ZFYVE27: variants seen among roughly 807,000 people sequenced by gnomAD.
ZFYVE27 encodes the protein protrudin.
ZFYVE27 carries 36 observed loss-of-function variants against 52.8 expected under a neutral mutation model. The ratio of observed to expected loss-of-function variants is 0.68; its 90% CI spans 0.52 to 0.90. The LOEUF is 0.90. Ranked by LOEUF, ZFYVE27 falls within the 40% of genes least tolerant of loss-of-function variation. The pLI, the probability that ZFYVE27 is intolerant of heterozygous loss-of-function variation, is 0.00. For missense variants in ZFYVE27, 450 were observed against 527.2 expected (o/e 0.85, Z 1.43); for synonymous variants, 223 against 215.6 (o/e 1.03, Z -0.30).
At chr10:97,757,769 G>T (rs1371937096) in intron 12 of ZFYVE27, 46 bp downstream of exon 12, 1 of 1,593,108 alleles carries the variant, frequency 6.3e-7, no homozygotes, top group Non-Finnish European at 8.6e-7. Flanking sequence ...ATCCCGCCCA[G>T]GGGATGTCAC....
At chr10:97,748,684 G>A (rs2046116228) in intron 5 of ZFYVE27, among the ~76,000 whole-genome samples, 1 of 152,152 alleles carries the variant, frequency 6.6e-6, no homozygotes, top group Non-Finnish European at 1.5e-5. Flanking sequence ...TAGTTTCATA[G>A]TGTATGTTCA....
In ZFYVE27 at chr10:97,757,317, T is replaced by C; in HGVS notation, c.1089+6T>C. The stretch of plus-strand genomic sequence containing the variant: ...TCTCAGTGCTGAAGAAGAGGGTGAG[T>C]GTCTGTGAGGGTGCATTTGTTGGGG... On this transcript the variant is annotated splice_donor_region_variant and intron_variant, in intron 11 of 12. Coordinates refer to ENST00000684270, the MANE Select transcript of ZFYVE27 (RefSeq NM_001385875.1). 1 of 1,613,720 alleles carries C rather than the reference T, an allele frequency of 6.2e-7. No homozygotes were observed. The highest frequency in any genetic ancestry group is 8.5e-7 in the Non-Finnish European group (1 of 1,179,910).
In ZFYVE27 at chr10:97,743,128, C is replaced by A. The variant is rs2044196941; in HGVS notation, c.232C>A (p.Leu78Met). 3 of 1,614,198 alleles carry A rather than the reference C, an allele frequency of 1.9e-6. No homozygotes were observed. The highest frequency in any genetic ancestry group is 1.7e-6 in the Non-Finnish European group (2 of 1,180,040). The change falls in exon 3 of 13, where the codon CTG becomes ATG. Residue 78 changes from leucine (L) to methionine (M), a missense_variant. Transcript: ENST00000684270. ...QMPLCSLLTC[L>M]GLNVLFLTLN... ...GCCTTTGTGTTCCTTGCTGACCTGC[C>A]TGGGCCTCAACGTCTTGTTCCTCAC...
chr10:97,743,451 G>A (rs2044293027), intron 3 of ZFYVE27, among the ~76,000 whole-genome samples: 2 of 152,228 alleles, frequency 1.3e-5, no homozygotes, highest in Admixed American at 6.5e-5. Flanking sequence ...TGAGGAATGC[G>A]GCAGTCTAGG....
In ZFYVE27 at chr10:97,760,560, T is replaced by TG. The variant is rs2049314069; in HGVS notation, c.*1263dup. On this transcript the variant is annotated 3_prime_UTR_variant, in exon 13 of 13. Transcript: ENST00000684270. The stretch of plus-strand genomic sequence containing the variant: ...TACCTAGGACTCTTCCCTGGAGTCA[T>TG]GGGCTGCCTGGGACCCAGGACCCAT... The TG allele has an allele frequency of 6.6e-6, 1 of 152,160 alleles. No individual in the cohort carries two copies. The highest frequency in any genetic ancestry group is 1.5e-5 in the Non-Finnish European group (1 of 68,082). The allele number at this position is 152,160 out of a possible 1,614,324, so 9.4% of individuals were successfully genotyped here.
intron 7 of ZFYVE27, 64 bp downstream of exon 7, chr10:97,750,534 GT>G: frequency 1.9e-6 from 3 of 1,602,528 alleles, no homozygotes; most frequent in Non-Finnish European, 1.7e-6. Flanking sequence ...TTATCAGCTT[GT>G]TTTTGGCTCC....
At chr10:97,746,709 A>T (rs1385140450) in intron 4 of ZFYVE27, among the ~76,000 whole-genome samples, 3 of 144,372 alleles carry the variant, frequency 2.1e-5, no homozygotes, top group African/African-American at 2.6e-5. Flanking sequence ...TTACTTTTTG[A>T]GACGGAGTTT....
chr10:97,757,164 C>CTGGGCTGGTGTCCTGAGTGTCCCATT, intron 10 of ZFYVE27, 101 bp from the exon 11 acceptor site: 2 of 1,554,068 alleles, frequency 1.3e-6, no homozygotes, highest in Non-Finnish European at 1.8e-6. Context: ...GCCAAGGAGG[C>CTGGGCTGGTGTCCTGAGTGTCCCATT]TGGGCTGGTG....
chr10:97,758,926 C>T (rs941490665), intron 12 of ZFYVE27, among the ~76,000 whole-genome samples: 8 of 152,190 alleles, frequency 5.3e-5, no homozygotes, highest in African/African-American at 1.2e-4. Context: ...GGATTACAGG[C>T]GTGCATCACC....
chr10:97,757,844 G>A, intron 12 of ZFYVE27, 121 bp downstream of exon 12: 1 of 953,880 alleles, frequency 1.0e-6, no homozygotes, highest in Admixed American at 2.1e-5. Flanking sequence ...AGGCCTACGG[G>A]AACGTTTCCT....
intron 2 of ZFYVE27, among the ~76,000 whole-genome samples, chr10:97,739,921 C>T (rs1313243959): frequency 2.0e-5 from 3 of 146,390 alleles, no homozygotes; most frequent in Non-Finnish European, 4.5e-5. Flanking sequence ...ATGTTGTGCC[C>T]CTGGTGTTGC....
At position 97,759,571 on chromosome 10, in the gene ZFYVE27, G is replaced by A. The variant is rs1345779879; in HGVS notation, c.*271G>A. On this transcript the variant is annotated 3_prime_UTR_variant, in exon 13 of 13. Coordinates refer to ENST00000684270, the MANE Select transcript of ZFYVE27 (RefSeq NM_001385875.1). ...TGTCCTGCTCTGCCTGGGACTGAGCGAGTGGACTTAGGGCTGGGCAGGCAG... is the reference window on the plus strand; with the variant it reads ...TGTCCTGCTCTGCCTGGGACTGAGCAAGTGGACTTAGGGCTGGGCAGGCAG... 1.7e-5 allele frequency: 9 copies of A among 533,294 alleles called. No individual in the cohort carries two copies. Among genetic ancestry groups the A allele is most frequent in the African/African-American group, 1.9e-5 (1 of 52,560 alleles). 33.0% of individuals were successfully genotyped at this position (533,294 alleles called of 1,614,324 possible). A position where few individuals can be genotyped will look rare whatever the true frequency, so the allele number is the denominator to read the frequency against.
rs1218044478 is a variant in ZFYVE27, at chr10:97,757,322, G to A, written c.1089+11G>A. ...GTGCTGAAGAAGAGGGTGAGTGTCTGTGAGGGTGCATTTGTTGGGGACAGT... is the reference window on the plus strand; with the variant it reads ...GTGCTGAAGAAGAGGGTGAGTGTCTATGAGGGTGCATTTGTTGGGGACAGT... On this transcript the variant is annotated intron_variant, in intron 11 of 12. Coordinates refer to ENST00000684270, the MANE Select transcript of ZFYVE27 (RefSeq NM_001385875.1). The A allele has an allele frequency of 1.2e-6, 2 of 1,614,054 alleles. No homozygotes were observed. The highest frequency in any genetic ancestry group is 1.3e-5 in the African/African-American group (1 of 74,944).
intron 1 of ZFYVE27, among the ~76,000 whole-genome samples, chr10:97,737,708 G>GT (rs377682076): frequency 9.4e-4 from 143 of 152,342 alleles, no homozygotes; most frequent in African/African-American, 3.2e-3. Context: ...GCTGCTTAGA[G>GT]TTCAGGATAG....
chr10:97,751,792 TG>T (rs1316695919), intron 8 of ZFYVE27, among the ~76,000 whole-genome samples: 1 of 152,154 alleles, frequency 6.6e-6, no homozygotes, highest in African/African-American at 2.4e-5. Context: ...GCTACTGCCC[TG>T]GGTCTCCGCT....
intron 10 of ZFYVE27, among the ~76,000 whole-genome samples, chr10:97,755,062 G>A (rs1172655381): frequency 2.0e-5 from 3 of 152,114 alleles, no homozygotes; most frequent in African/African-American, 7.2e-5. Flanking sequence ...TGCCTGTCCC[G>A]CTTTTGTATT....
chr10:97,758,467 G>A (rs1055782084), intron 12 of ZFYVE27, among the ~76,000 whole-genome samples: 1 of 151,988 alleles, frequency 6.6e-6, no homozygotes, highest in Non-Finnish European at 1.5e-5. Context: ...GGGATTACAG[G>A]CATGCGCCAC....
At chr10:97,750,310 T>C in intron 6 of ZFYVE27, 21 bp from the exon 7 acceptor site, 1 of 1,613,486 alleles carries the variant, frequency 6.2e-7, no homozygotes, top group Non-Finnish European at 8.5e-7. Context: ...CCTCCTACCT[T>C]GTTCTCCATT....
At chr10:97,757,151 C>T in intron 10 of ZFYVE27, 114 bp from the exon 11 acceptor site, 2 of 1,481,486 alleles carry the variant, frequency 1.3e-6, no homozygotes, top group Non-Finnish European at 1.9e-6. Flanking sequence ...CTCACTGTGT[C>T]CAGCCAAGGA....
Sources: allele counts gnomAD v4.1 joint callset (sites outside exome capture counted in the v4.1 genomes callset), GRCh38; gene constraint gnomAD v4.1.1; transcripts MANE v1.5; gene names NCBI Gene and HGNC (gene_info 2026-07-23, HGNC 2026-07-21).